Variants in SHISA6 observed in about 807,000 individuals in gnomAD.
SHISA6 encodes the protein protein shisa-6.
In SHISA6, 22 loss-of-function variants were observed where a neutral mutation model predicts 47.9. The ratio of observed to expected loss-of-function variants is 0.46; its 90% CI spans 0.33 to 0.66. SHISA6 has a LOEUF of 0.66. Ranked by LOEUF, SHISA6 falls within the 30% of genes least tolerant of loss-of-function variation. SHISA6 has a pLI of 0.02. For missense variants in SHISA6, 680 were observed against 764.6 expected, an observed-to-expected ratio of 0.89 and a Z score of 1.30; for synonymous variants, 388 against 337.8, an observed-to-expected ratio of 1.15 and a Z score of -1.63.
intron 2 of SHISA6, among the ~76,000 whole-genome samples, chr17:11,332,527 A>C (rs970969659): frequency 2.0e-5 from 3 of 152,158 alleles, no homozygotes; most frequent in African/African-American, 7.2e-5. Context: ...CACACCGCTG[A>C]TGTGTCCCAC....
At chr17:11,441,137 A>G (rs1392654063) in intron 3 of SHISA6, among the ~76,000 whole-genome samples, 1 of 152,214 alleles carries the variant, frequency 6.6e-6, no homozygotes, top group Non-Finnish European at 1.5e-5. Flanking sequence ...GCCCATCTCA[A>G]GCCCTTCTCA....
intron 3 of SHISA6, among the ~76,000 whole-genome samples, chr17:11,460,981 T>C (rs957045047): frequency 6.6e-5 from 10 of 152,242 alleles, no homozygotes; most frequent in Admixed American, 5.9e-4. Context: ...CATAGGATTT[T>C]ATTGATTAAT....
At chr17:11,527,342 G>A (rs1430296267) in intron 3 of SHISA6, among the ~76,000 whole-genome samples, 2 of 152,086 alleles carry the variant, frequency 1.3e-5, no homozygotes. Flanking sequence ...AGGAGTCAAA[G>A]GTTAAGCTAT....
At chr17:11,330,232 G>A (rs777986086) in intron 2 of SHISA6, among the ~76,000 whole-genome samples, 9 of 152,100 alleles carry the variant, frequency 5.9e-5, no homozygotes, top group African/African-American at 2.2e-4. Context: ...CCATGGTCAC[G>A]TGGTTGCCAC....
intron 3 of SHISA6, among the ~76,000 whole-genome samples, chr17:11,526,134 T>TG (rs2071679888): frequency 6.6e-6 from 1 of 150,586 alleles, no homozygotes; most frequent in South Asian, 2.1e-4. Context: ...TCTGCTGATT[T>TG]GGTGTGGCCC....
rs547597895 is a variant in SHISA6, at chr17:11,259,595, G to A, written c.639-3771G>A. Among the ~76,000 whole-genome samples the A allele has an allele frequency of 1.1e-4, 16 of 152,320 alleles. No homozygotes were observed. In the East Asian group the frequency reaches 3.1e-3, roughly 29 times the overall value. ...ACACGTTAAAATGTTGACTGGGCTT[G>A]GTCCCTGCAGGTGTTGAGATAACTA... On this transcript the variant is annotated intron_variant, in intron 1 of 5. Coordinates refer to ENST00000441885, the MANE Select transcript of SHISA6 (RefSeq NM_207386.4).
Position 11,497,221 on chromosome 17 carries a change from G to T in SHISA6, c.896-54675G>T, listed in dbSNP as rs1000978777. ...TGAGGAATGAGGAACCTGCAATCAT[G>T]GGGGACCAGCCTGGCTTGTGTTCTG... On this transcript the variant is annotated intron_variant, in intron 3 of 5. Transcript: ENST00000441885. 5.9e-5 allele frequency among the ~76,000 whole-genome samples: 9 copies of T among 152,252 alleles called. No homozygotes were observed. In the East Asian group the frequency reaches 9.7e-4, roughly 16 times the overall value.
intron 3 of SHISA6, among the ~76,000 whole-genome samples, chr17:11,441,327 G>C (rs1314249124): frequency 6.6e-6 from 1 of 152,170 alleles, no homozygotes; most frequent in African/African-American, 2.4e-5. Context: ...GTGTGAATCT[G>C]CTTCATTTTT....
intron 2 of SHISA6, among the ~76,000 whole-genome samples, chr17:11,277,280 T>TCTCTCTCACACACACA (rs1386997909): frequency 2.3e-3 from 124 of 53,894 alleles, no homozygotes; most frequent in African/African-American, 3.8e-3. Flanking sequence ...TCTCTCTCTC[T>TCTCTCTCACACACACA]CACACACACA....
rs1567591643 is a variant in SHISA6 at position 11,387,339 on chromosome 17, G to A, written c.895+7830G>A. Reference sequence around the variant, plus strand: ...AAAAGGGGTGAGTGCATTGGAGCAGGTGATGAGTTCAAGGCTGGAAAAGTG... The same window carrying A: ...AAAAGGGGTGAGTGCATTGGAGCAGATGATGAGTTCAAGGCTGGAAAAGTG... On this transcript the variant is annotated intron_variant, in intron 3 of 5. Transcript: ENST00000441885. Among the ~76,000 whole-genome samples, 2 of 152,138 alleles carry A rather than the reference G, an allele frequency of 1.3e-5. 1 individual carries two copies. The highest frequency in any genetic ancestry group is 1.3e-4 in the Admixed American group (2 of 15,282).
At chr17:11,394,908 A>G (rs1913515060) in intron 3 of SHISA6, among the ~76,000 whole-genome samples, 1 of 151,832 alleles carries the variant, frequency 6.6e-6, no homozygotes, top group African/African-American at 2.4e-5. Flanking sequence ...ACAGTTTTGC[A>G]ACTATATGTA....
intron 3 of SHISA6, among the ~76,000 whole-genome samples, chr17:11,405,447 AT>A (rs1474533141): frequency 1.3e-5 from 2 of 151,954 alleles, no homozygotes; most frequent in African/African-American, 4.8e-5. Context: ...TGCTAACTAA[AT>A]CATACTTCTG....
intron 3 of SHISA6, among the ~76,000 whole-genome samples, chr17:11,385,754 T>A (rs570272133): frequency 3.3e-5 from 5 of 152,054 alleles, no homozygotes; most frequent in Admixed American, 6.5e-5. Context: ...GCTGGGGGGA[T>A]GAGGAGGGAC....
chr17:11,249,872 A>C (rs1907736567), intron 1 of SHISA6, among the ~76,000 whole-genome samples: 1 of 152,332 alleles, frequency 6.6e-6, no homozygotes, highest in African/African-American at 2.4e-5. Context: ...GCTGTCTCTG[A>C]AGGCAGGAGC....
chr17:11,513,657 A>G (rs1322755748), intron 3 of SHISA6, among the ~76,000 whole-genome samples: 1 of 152,172 alleles, frequency 6.6e-6, no homozygotes, highest in Non-Finnish European at 1.5e-5. Context: ...CTAAATAAGT[A>G]TAGAAACTTG....
intron 2 of SHISA6, among the ~76,000 whole-genome samples, chr17:11,354,421 A>G (rs1372589534): frequency 1.3e-5 from 2 of 152,138 alleles, no homozygotes; most frequent in African/African-American, 4.8e-5. Context: ...AGGCCGGATG[A>G]TGGCAGGGAT....
intron 2 of SHISA6, among the ~76,000 whole-genome samples, chr17:11,300,043 G>T (rs964208950): frequency 5.0e-4 from 76 of 151,770 alleles, no homozygotes; most frequent in African/African-American, 1.8e-3. Context: ...TACTTGGGAG[G>T]CTGAGGCAGG....
At chr17:11,379,670 G>T (rs369363892) in intron 3 of SHISA6, 161 bp downstream of exon 3, 1 of 515,328 alleles carries the variant, frequency 1.9e-6, no homozygotes, top group Non-Finnish European at 3.4e-6. Context: ...TCTGACAGGA[G>T]TTACTGGAGG....
chr17:11,397,511 C>G (rs1009446168), intron 3 of SHISA6, among the ~76,000 whole-genome samples: 4 of 151,796 alleles, frequency 2.6e-5, no homozygotes, highest in Admixed American at 6.6e-5. Flanking sequence ...ACAGATTGCT[C>G]AAGTAGGGCT....
Sources: gnomAD v4.1 joint callset for allele counts (sites outside exome capture counted in the v4.1 genomes callset) on GRCh38, gnomAD v4.1.1 for gene constraint, MANE v1.5 for transcripts, NCBI Gene and HGNC (gene_info 2026-07-23, HGNC 2026-07-21) for gene names.